Variants in HERC1 observed in about 807,000 individuals in gnomAD.
HERC1 encodes the protein probable E3 ubiquitin-protein ligase HERC1.
In HERC1, 160 loss-of-function variants were observed where a neutral mutation model predicts 554.3. That is an observed-to-expected ratio of 0.29 (90% confidence interval 0.25 to 0.33). The LOEUF (loss-of-function observed/expected upper bound fraction) is 0.33. HERC1 is among the 10% of genes least tolerant of loss of function. HERC1 has a pLI of 1.00. For missense variants in HERC1, 4,919 were observed against 5,918.5 expected (o/e 0.83, Z 5.54); for synonymous variants, 2,175 against 2,131.7 (o/e 1.02, Z -0.56).
At chr15:63,659,989 T>A in intron 46 of HERC1, 53 bp from the exon 47 acceptor site, 3 of 1,353,570 alleles carry the variant, frequency 2.2e-6, no homozygotes, top group South Asian at 2.5e-5. Flanking sequence ...ATTACATAAA[T>A]CTGCTGGCAA....
At chr15:63,661,585 G>A (rs1213806720) in intron 45 of HERC1, among the ~76,000 whole-genome samples, 168 bp downstream of exon 45, 1 of 152,104 alleles carries the variant, frequency 6.6e-6, no homozygotes, top group African/African-American at 2.4e-5. Flanking sequence ...ATTATTCCTG[G>A]GAACATGAAT....
intron 14 of HERC1, among the ~76,000 whole-genome samples, chr15:63,730,682 C>T (rs1388471015): frequency 6.6e-6 from 1 of 152,028 alleles, no homozygotes; most frequent in Non-Finnish European, 1.5e-5. Context: ...AGAAAATGTC[C>T]TGGTTTTTTA....
At chr15:63,711,793 C>T (rs1182757708) in intron 24 of HERC1, among the ~76,000 whole-genome samples, 2 of 152,142 alleles carry the variant, frequency 1.3e-5, no homozygotes, top group Non-Finnish European at 2.9e-5. Flanking sequence ...GAAGCCAAGT[C>T]TGACACATCA....
At chr15:63,637,725 T>C (rs566328556) in intron 63 of HERC1, 82 bp from the exon 64 acceptor site, 8 of 1,125,584 alleles carry the variant, frequency 7.1e-6, no homozygotes, top group Non-Finnish European at 1.0e-5. Context: ...ATTCCACGTA[T>C]ACATAGAATG....
intron 76 of HERC1, among the ~76,000 whole-genome samples, chr15:63,613,694 G>A (rs2067699955): frequency 6.6e-6 from 1 of 151,770 alleles, no homozygotes; most frequent in African/African-American, 2.4e-5. Flanking sequence ...ACTGGGCCAA[G>A]TACAATGGTT....
At chr15:63,719,438 G>T (rs1018965417) in intron 19 of HERC1, among the ~76,000 whole-genome samples, 1 of 152,234 alleles carries the variant, frequency 6.6e-6, no homozygotes, top group Non-Finnish European at 1.5e-5. Flanking sequence ...GAGCTGGCTG[G>T]GGACCAGATC....
chr15:63,798,547 C>CAA (rs368821834), intron 1 of HERC1, among the ~76,000 whole-genome samples: 45 of 63,072 alleles, frequency 7.1e-4, no homozygotes, highest in African/African-American at 1.0e-3. Context: ...TCAAACTTTA[C>CAA]AAAAAAAAAA....
chr15:63,655,210 C>A (rs530644237), intron 50 of HERC1, among the ~76,000 whole-genome samples: 355 of 151,490 alleles, frequency 2.3e-3, no homozygotes, highest in South Asian at 9.8e-3. Context: ...AAAAATTAGC[C>A]GGGCATGGTG....
chr15:63,775,054 G>T lies in HERC1; in HGVS notation c.570C>A (p.Asn190Lys), dbSNP rs2228514. The T allele has an allele frequency of 1.2e-6, 2 of 1,613,934 alleles. No homozygotes were observed. Among genetic ancestry groups the T allele is most frequent in the Non-Finnish European group, 1.7e-6 (2 of 1,179,842 alleles). ...CTTCAATTGCAGTATGAATGACATC[G>T]TTGCAAAGACTGAGACCAGGTCCTG... Reference protein sequence around the residue: ...PVSGPGLSLCNDVIHTAIEVV... With the variant: ...PVSGPGLSLCKDVIHTAIEVV... The change falls in exon 2 of 78, where the codon AAC becomes AAA. Residue 190 changes from asparagine to lysine, a missense_variant. Asn to Lys is a moderately conservative substitution (Grantham distance 94). This residue lies in a region of HERC1 where 744 missense variants were observed against 1,090.0 expected (regional missense o/e 0.68). Coordinates refer to ENST00000443617, the MANE Select transcript of HERC1 (RefSeq NM_003922.4). The surrounding 1 kb of genome is among the most constrained non-coding windows in gnomAD (Gnocchi z 4.0).
chr15:63,680,172 C>T lies in HERC1; in HGVS notation c.6466-12G>A, dbSNP rs773773462. ...GCTAATTTGGGTTCCTACAGTGTGG[C>T]AGCAGTGAGGAAAAGAAAAAGGAAA... On this transcript the variant is annotated splice_polypyrimidine_tract_variant and intron_variant, in intron 35 of 77. Coordinates refer to ENST00000443617, the MANE Select transcript of HERC1 (RefSeq NM_003922.4). This position sits in a 1 kb window ranked among gnomAD's most constrained non-coding sequence, Gnocchi z 5.8. 17 of 1,600,154 alleles carry T rather than the reference C, an allele frequency of 1.1e-5. No homozygotes were observed. Among genetic ancestry groups the T allele is most frequent in the Non-Finnish European group, 1.5e-5 (17 of 1,170,242 alleles).
chr15:63,753,150 C>T, intron 7 of HERC1, 65 bp from the exon 8 acceptor site: 3 of 1,248,914 alleles, frequency 2.4e-6, no homozygotes, highest in Non-Finnish European at 3.2e-6. Context: ...TTTAACACTA[C>T]TAAAGTTGAT....
chr15:63,688,957 T>C (rs2071943758), intron 33 of HERC1, among the ~76,000 whole-genome samples: 1 of 152,170 alleles, frequency 6.6e-6, no homozygotes, highest in Non-Finnish European at 1.5e-5. Flanking sequence ...AGTGATCTTT[T>C]AAAACCATAA....
At chr15:63,728,253 G>A (rs2074116155) in intron 16 of HERC1, among the ~76,000 whole-genome samples, 1 of 152,196 alleles carries the variant, frequency 6.6e-6, no homozygotes. Context: ...TCCCCCTGGT[G>A]CTTACCTGCT....
At position 63,775,518 on chromosome 15, in the gene HERC1, C is replaced by T. The variant is rs763129984; in HGVS notation, c.106G>A (p.Val36Ile). 2 of 1,613,968 alleles carry T rather than the reference C, an allele frequency of 1.2e-6. No individual in the cohort carries two copies. Among genetic ancestry groups the T allele is most frequent in the East Asian group, 2.2e-5 (1 of 44,888 alleles). The change falls in exon 2 of 78, where the codon GTT becomes ATT. Residue 36 changes from valine (V) to isoleucine (I), a missense_variant. Val to Ile is a conservative substitution (Grantham distance 29). Transcript: ENST00000443617. This position sits in a 1 kb window ranked among gnomAD's most constrained non-coding sequence, Gnocchi z 4.0. ...TTGCTAACCAGTTTAGAATACAGAA[C>T]AGCAACTCCCTCTCTTGTAGCAATA... ...ESIATREGVA[V>I]LYSKLVSNKE...
chr15:63,663,318 G>A, intron 43 of HERC1, 114 bp from the exon 44 acceptor site: 2 of 837,710 alleles, frequency 2.4e-6, no homozygotes, highest in Non-Finnish European at 3.8e-6. Flanking sequence ...TTGTCTTATT[G>A]GATCTCAGAC....
At chr15:63,684,416 GA>G in intron 34 of HERC1, among the ~76,000 whole-genome samples, 1 of 152,292 alleles carries the variant, frequency 6.6e-6, no homozygotes, top group Middle Eastern at 3.4e-3. Flanking sequence ...AACTGTAACT[GA>G]AATTTTGTCC....
rs779942997 is a variant in HERC1, at chr15:63,652,415, A to G, written c.10417T>C (p.Leu3473=). 1.1e-5 allele frequency: 18 copies of G among 1,612,330 alleles called. No individual in the cohort carries two copies. Among genetic ancestry groups the G allele is most frequent in the Non-Finnish European group, 1.3e-5 (15 of 1,178,956 alleles). ...SLQQTCVFNR[L]EGDAEESLGS... ...TATACACGTGATGTTAGCACTCACAATCTGTTGAACACACAGGTCTGTTGC... is the reference window on the plus strand; with the variant it reads ...TATACACGTGATGTTAGCACTCACAGTCTGTTGAACACACAGGTCTGTTGC... Residue 3473 remains leucine (L), a splice_region_variant and synonymous_variant, in exon 52 of 78, where the codon TTG becomes CTG. Coordinates refer to ENST00000443617, the MANE Select transcript of HERC1 (RefSeq NM_003922.4).
At chr15:63,728,939 TA>T (rs375000040) in intron 16 of HERC1, among the ~76,000 whole-genome samples, 179 of 145,002 alleles carry the variant, frequency 1.2e-3, no homozygotes, top group African/African-American at 1.3e-3. Context: ...GAGCAGGTTT[TA>T]AAAAAAAAAA....
At chr15:63,624,381 T>A (rs1305914529) in intron 71 of HERC1, 54 bp from the exon 72 acceptor site, 1 of 1,470,616 alleles carries the variant, frequency 6.8e-7, no homozygotes, top group African/African-American at 1.4e-5. Flanking sequence ...TTAAAAGAAA[T>A]AACAATTTTC....
Sources: gnomAD v4.1 joint callset for allele counts (sites outside exome capture counted in the v4.1 genomes callset) on GRCh38, gnomAD v4.1.1 for gene constraint, gnomAD v4.1.1 regional missense constraint, Gnocchi (gnomAD v3.1) non-coding constraint, MANE v1.5 for transcripts, NCBI Gene and HGNC (gene_info 2026-07-23, HGNC 2026-07-21) for gene names.